The following ANKRD44 variants were observed in gnomAD, a reference collection of about 807,000 sequenced individuals.
The protein encoded by ANKRD44 is serine/threonine-protein phosphatase 6 regulatory ankyrin repeat subunit B.
Under a neutral mutation model 116.0 loss-of-function variants are expected in ANKRD44, and 35 were observed. The observed-to-expected ratio is 0.30, with a 90% CI of 0.23 to 0.40. ANKRD44 has a LOEUF of 0.40. Ranked by LOEUF, ANKRD44 falls within the 10% of genes least tolerant of loss-of-function variation. The pLI is 1.00. For synonymous variants in ANKRD44, 435 were observed against 461.8 expected (o/e 0.94, Z 0.74); for missense variants, 1,014 against 1,242.6 (o/e 0.82, Z 2.77).
intron 1 of ANKRD44, among the ~76,000 whole-genome samples, chr2:197,238,499 CA>C (rs1223519349): frequency 6.6e-6 from 1 of 151,892 alleles, no homozygotes; most frequent in Admixed American, 6.6e-5. Flanking sequence ...ACAACCTTGA[CA>C]AAAAAATCAG....
chr2:197,240,171 T>G (rs1169545729), intron 1 of ANKRD44, among the ~76,000 whole-genome samples: 1 of 152,030 alleles, frequency 6.6e-6, no homozygotes, highest in Non-Finnish European at 1.5e-5. Flanking sequence ...GGTCAGGAGT[T>G]GGAGAGCAGC....
At chr2:197,125,513 G>T in intron 5 of ANKRD44, 45 bp from the exon 6 acceptor site, 1 of 1,542,958 alleles carries the variant, frequency 6.5e-7, no homozygotes, top group Non-Finnish European at 9.0e-7. Context: ...TTCTGTAATG[G>T]TGAGGCCTCC....
At chr2:197,259,054 G>C (rs1170590575) in intron 1 of ANKRD44, among the ~76,000 whole-genome samples, 1 of 152,220 alleles carries the variant, frequency 6.6e-6, no homozygotes, top group Non-Finnish European at 1.5e-5. Context: ...AGCCTAGACA[G>C]AAAGACATTG....
At chr2:197,166,519 T>C (rs2080104734) in intron 2 of ANKRD44, among the ~76,000 whole-genome samples, 1 of 152,256 alleles carries the variant, frequency 6.6e-6, no homozygotes, top group Non-Finnish European at 1.5e-5. Flanking sequence ...AGGATATGGC[T>C]ACAGAATTTA....
chr2:197,227,630 G>A (rs1463665901), intron 1 of ANKRD44, among the ~76,000 whole-genome samples: 1 of 151,644 alleles, frequency 6.6e-6, no homozygotes, highest in African/African-American at 2.4e-5. Context: ...TTGGGGGCAA[G>A]AAGAAAAAGA....
intron 2 of ANKRD44, among the ~76,000 whole-genome samples, chr2:197,161,975 C>T (rs1318344869): frequency 5.9e-5 from 9 of 152,136 alleles, no homozygotes; most frequent in Admixed American, 4.6e-4. Flanking sequence ...TAGCTCACAC[C>T]ATGCTACGGT....
At chr2:197,046,773 T>C (rs2077009479) in intron 16 of ANKRD44, among the ~76,000 whole-genome samples, 1 of 152,244 alleles carries the variant, frequency 6.6e-6, no homozygotes, top group Non-Finnish European at 1.5e-5. Flanking sequence ...CTTAAGACTT[T>C]GTAAATCTTT....
At chr2:197,000,339 T>C (rs2076092073) in intron 23 of ANKRD44, 80 bp downstream of exon 23, 2 of 1,065,492 alleles carry the variant, frequency 1.9e-6, no homozygotes, top group South Asian at 1.3e-5. Flanking sequence ...ATTAAAAACA[T>C]AGATGTTTGG....
intron 4 of ANKRD44, 187 bp downstream of exon 4, chr2:197,136,405 C>A: frequency 1.6e-6 from 1 of 619,748 alleles, no homozygotes; most frequent in Non-Finnish European, 2.9e-6. Flanking sequence ...CCAGATACTC[C>A]CCAGCCCCAC....
chr2:197,290,506 C>G (rs560955546), intron 1 of ANKRD44, among the ~76,000 whole-genome samples: 39 of 152,176 alleles, frequency 2.6e-4, no homozygotes, highest in Middle Eastern at 3.4e-3. Flanking sequence ...CCAGGAGATT[C>G]GAAGTCAGAA....
chr2:196,980,293 C>G (rs771947817), intron 21 of ANKRD44, among the ~76,000 whole-genome samples: 4 of 151,872 alleles, frequency 2.6e-5, no homozygotes, highest in Non-Finnish European at 5.9e-5. Flanking sequence ...CAATAAATTA[C>G]CAGGTAACAT....
chr2:197,119,226 G>T (rs75808913), intron 8 of ANKRD44, among the ~76,000 whole-genome samples: 6,242 of 150,964 alleles, frequency 0.041, 154 homozygotes, highest in Middle Eastern at 0.078. Flanking sequence ...TCCTGCCTTT[G>T]GTGTTCTGTG....
At chr2:197,066,174 A>G (rs550334514) in intron 16 of ANKRD44, among the ~76,000 whole-genome samples, 1 of 152,244 alleles carries the variant, frequency 6.6e-6, no homozygotes, top group East Asian at 1.9e-4. Flanking sequence ...TATAAACAGA[A>G]CTAAAGACAA....
At position 196,986,870 on chromosome 2, in the gene ANKRD44, CAG is replaced by C; in HGVS notation, c.*2719_*2720del. ...CCATTTTTACAGTCATGACATTTAC[CAG>C]AGTCATTCAACTCCAATTTACATAA... On this transcript the variant is annotated 3_prime_UTR_variant, in exon 28 of 28. Coordinates refer to ENST00000282272, the MANE Select transcript of ANKRD44 (RefSeq NM_001195144.2). 6.1e-6 allele frequency: 6 copies of C among 985,342 alleles called. No individual in the cohort carries two copies. The highest frequency in any genetic ancestry group is 2.4e-6 in the Non-Finnish European group (2 of 829,894). 61.0% of individuals were successfully genotyped at this position (985,342 alleles called of 1,614,324 possible).
intron 15 of ANKRD44, among the ~76,000 whole-genome samples, chr2:197,079,981 A>C (rs1000114604): frequency 2.6e-5 from 4 of 152,206 alleles, no homozygotes; most frequent in Admixed American, 2.0e-4. Flanking sequence ...GAGTCTTGCT[A>C]TTATTCTCTC....
chr2:197,078,463 C>G, intron 16 of ANKRD44: 2 of 1,125,516 alleles, frequency 1.8e-6, no homozygotes, highest in Non-Finnish European at 2.4e-6. Flanking sequence ...TCGATGACTA[C>G]CATGCTTTTG....
intron 1 of ANKRD44, among the ~76,000 whole-genome samples, chr2:197,279,785 G>A (rs557147301): frequency 1.3e-5 from 2 of 152,272 alleles, no homozygotes; most frequent in East Asian, 3.9e-4. Flanking sequence ...ACTCCAATGA[G>A]AGCCATCAGC....
Position 197,136,668 on chromosome 2 carries a change from A to C in ANKRD44, c.191-6T>G. On this transcript the variant is annotated splice_region_variant and splice_polypyrimidine_tract_variant and intron_variant, in intron 3 of 27. Coordinates refer to ENST00000282272, the MANE Select transcript of ANKRD44 (RefSeq NM_001195144.2). The stretch of plus-strand genomic sequence containing the variant: ...CTTGGCATTTACACGAGCTCCTGGA[A>C]TCAAACAGCACAAGTTAGAGGCATA... The C allele has an allele frequency of 6.2e-7, 1 of 1,614,076 alleles. No individual in the cohort carries two copies. Among genetic ancestry groups the C allele is most frequent in the Non-Finnish European group, 8.5e-7 (1 of 1,179,918 alleles).
intron 2 of ANKRD44, among the ~76,000 whole-genome samples, chr2:197,179,426 C>T (rs991067983): frequency 6.6e-6 from 1 of 152,098 alleles, no homozygotes; most frequent in Non-Finnish European, 1.5e-5. Flanking sequence ...AATAATGTGC[C>T]TTATTTATTC....
Sources: gnomAD v4.1 joint callset for allele counts (sites outside exome capture counted in the v4.1 genomes callset) on GRCh38, gnomAD v4.1.1 for gene constraint, MANE v1.5 for transcripts, NCBI Gene and HGNC (gene_info 2026-07-23, HGNC 2026-07-21) for gene names.